PFAS: variants seen among roughly 807,000 people sequenced by gnomAD.
PFAS encodes phosphoribosylformylglycinamidine synthase.
A neutral mutation model predicts 140.6 loss-of-function variants in PFAS; 97 were observed. That is an observed-to-expected ratio of 0.69 (90% confidence interval 0.59 to 0.82). The LOEUF is 0.82. Among genes scored for constraint, PFAS ranks in the 40% least tolerant of loss-of-function variants. The pLI, the probability that PFAS is intolerant of heterozygous loss-of-function variation, is 0.00. For missense variants in PFAS, 1,656 were observed against 1,780.2 expected, an observed-to-expected ratio of 0.93 and a Z score of 1.26; for synonymous variants, 679 against 718.8, an observed-to-expected ratio of 0.94 and a Z score of 0.88.
At chr17:8,268,012 ATAT>A (rs1405083179) in intron 26 of PFAS, among the ~76,000 whole-genome samples, 30 of 137,344 alleles carry the variant, frequency 2.2e-4, no homozygotes, top group Non-Finnish European at 3.2e-4. Context: ...TTATTTATAT[ATAT>A]TATTTATATA....
In PFAS at chr17:8,267,565, C is replaced by T; in HGVS notation, c.3282C>T (p.Thr1094=). 6.2e-7 allele frequency: 1 copy of T among 1,611,474 alleles called. No individual in the cohort carries two copies. Among genetic ancestry groups the T allele is most frequent in the South Asian group, 1.1e-5 (1 of 91,032 alleles). ...HLAGFEVWDV[T]MQDLCSGAIG... ...CACCTTCGCAGGTATGGGACGTGAC[C>T]ATGCAGGACCTCTGCTCTGGGGCAA... The change falls in exon 26 of 28, where the codon ACC becomes ACT. Residue 1094 remains threonine, a synonymous_variant. Coordinates refer to ENST00000314666, the MANE Select transcript of PFAS (RefSeq NM_012393.3). The surrounding 1 kb of genome is among the most constrained non-coding windows in gnomAD (Gnocchi z 4.9).
chr17:8,259,309 C>T (rs2151584449), intron 11 of PFAS, among the ~76,000 whole-genome samples: 1 of 151,790 alleles, frequency 6.6e-6, no homozygotes, highest in African/African-American at 2.4e-5. Context: ...GTTACTTTGT[C>T]ACCCAGGCTG....
At position 8,266,787 on chromosome 17, in the gene PFAS, C is replaced by A; in HGVS notation, c.2856C>A (p.Leu952=). 1 of 1,612,058 alleles carries A rather than the reference C, an allele frequency of 6.2e-7. No homozygotes were observed. ...TGCTGTTCGCTGAGGAGCCAGGCCTCGTGCTGGAGGTGCAGGAGCCAGACC... is the reference window on the plus strand; with the variant it reads ...TGCTGTTCGCTGAGGAGCCAGGCCTAGTGCTGGAGGTGCAGGAGCCAGACC... ...LSVLFAEEPG[L]VLEVQEPDLA... is the part of the protein sequence containing the mutation. Residue 952 remains leucine (L), a synonymous_variant, in exon 23 of 28, where the codon CTC becomes CTA. Coordinates refer to ENST00000314666, the MANE Select transcript of PFAS (RefSeq NM_012393.3). The surrounding 1 kb of genome is among the most constrained non-coding windows in gnomAD (Gnocchi z 5.0).
In PFAS at chr17:8,266,865, G is replaced by A. The variant is rs940255795; in HGVS notation, c.2934G>A (p.Leu978=). Residue 978 remains leucine, a synonymous_variant, in exon 23 of 28, where the codon CTG becomes CTA. Coordinates refer to ENST00000314666, the MANE Select transcript of PFAS (RefSeq NM_012393.3). This position sits in a 1 kb window ranked among gnomAD's most constrained non-coding sequence, Gnocchi z 5.0. ...ATGCTGGCCTCCATTGCCTGGAGCT[G>A]GGCCACACAGGCGAGGCCGGGCCCC... The part of the protein sequence containing the change: ...YRDAGLHCLE[L]GHTGEAGPHA... The A allele has an allele frequency of 6.2e-7, 1 of 1,607,934 alleles. No homozygotes were observed.
intron 11 of PFAS, among the ~76,000 whole-genome samples, chr17:8,260,685 C>G (rs145956592): frequency 6.6e-6 from 1 of 152,196 alleles, no homozygotes. Flanking sequence ...AGCGTAATGG[C>G]GCTTTCTCGG....
Position 8,263,169 on chromosome 17 carries a change from A to T in PFAS, c.1471A>T (p.Met491Leu). Residue 491 changes from methionine to leucine, a missense_variant, in exon 13 of 28, where the codon ATG (methionine) becomes TTG (leucine). Physicochemically the swap from Met to Leu is conservative, Grantham distance 15. Transcript: ENST00000314666. ...FGAVQRGDPE[M>L]EQKMNRVIRA... ...GGCTGTGCAGCGAGGAGACCCGGAG[A>T]TGGAACAGAAGATGAACCGTGTGAT... is the stretch of plus-strand genomic sequence containing the variant. 6.2e-7 allele frequency: 1 copy of T among 1,613,938 alleles called. No individual in the cohort carries two copies. The highest frequency in any genetic ancestry group is 8.5e-7 in the Non-Finnish European group (1 of 1,179,852).
rs772045682 is a variant in PFAS at position 8,267,557 on chromosome 17, G to T, written c.3274G>T (p.Asp1092Tyr). 1.9e-6 allele frequency: 3 copies of T among 1,610,006 alleles called. No homozygotes were observed. In the Admixed American group the frequency reaches 5.0e-5, roughly 27 times the overall value. ...AFHLAGFEVW[D>Y]VTMQDLCSGA... ...CCCCTCCCCACCTTCGCAGGTATGG[G>T]ACGTGACCATGCAGGACCTCTGCTC... Residue 1092 changes from aspartate to tyrosine, a missense_variant, in exon 26 of 28, where the codon GAC becomes TAC. Asp to Tyr is a radical substitution (Grantham distance 160). Coordinates refer to ENST00000314666, the MANE Select transcript of PFAS (RefSeq NM_012393.3). This position sits in a 1 kb window ranked among gnomAD's most constrained non-coding sequence, Gnocchi z 4.9.
chr17:8,250,491 G>A (rs935996504), intron 1 of PFAS, among the ~76,000 whole-genome samples: 5 of 152,152 alleles, frequency 3.3e-5, no homozygotes, highest in Non-Finnish European at 5.9e-5. Context: ...AGAGAATTAA[G>A]GATGACTTCT....
Position 8,267,744 on chromosome 17 carries a change from G to A in PFAS, c.3382+79G>A, listed in dbSNP as rs985340366. The A allele has an allele frequency of 2.2e-5, 17 of 781,862 alleles. No individual in the cohort carries two copies. Among genetic ancestry groups the A allele is most frequent in the South Asian group, 1.6e-4 (9 of 57,620 alleles). 48.4% of individuals were successfully genotyped at this position (781,862 alleles called of 1,614,324 possible). On this transcript the variant is annotated intron_variant, in intron 26 of 27. Transcript: ENST00000314666. The surrounding 1 kb of genome is among the most constrained non-coding windows in gnomAD (Gnocchi z 4.9). ...CTTTAGCCCCATCTTCCTGGGCTGG[G>A]GATTGGCCTCTCACTCCACCGAGCT... is the stretch of plus-strand genomic sequence containing the variant.
At chr17:8,256,986 C>G (rs745463091) in intron 9 of PFAS, 23 bp downstream of exon 9, 1 of 1,613,450 alleles carries the variant, frequency 6.2e-7, no homozygotes, top group Admixed American at 1.7e-5. Flanking sequence ...TCCTCTCTAT[C>G]CACCTTCCCT....
upstream of PFAS, among the ~76,000 whole-genome samples, chr17:8,248,814 C>T (rs1166999037): frequency 6.6e-6 from 1 of 152,204 alleles, no homozygotes; most frequent in Non-Finnish European, 1.5e-5. Context: ...CCGCCTCGGG[C>T]TCCCAAAGTG....
chr17:8,267,302 C>T lies in PFAS; in HGVS notation c.3175+67C>T, dbSNP rs1989857781. 5 of 1,588,110 alleles carry T rather than the reference C, an allele frequency of 3.1e-6. No individual in the cohort carries two copies. The highest frequency in any genetic ancestry group is 1.7e-4 in the Middle Eastern group (1 of 6,014). The stretch of plus-strand genomic sequence containing the variant: ...GAGCCTGGATGCCTGGGCCTGCCCT[C>T]AGAAAGGTGTCTGGGGAGTTGGGGT... On this transcript the variant is annotated intron_variant, in intron 24 of 27. Transcript: ENST00000314666. This position sits in a 1 kb window ranked among gnomAD's most constrained non-coding sequence, Gnocchi z 4.9.
chr17:8,268,493 G>C, intron 26 of PFAS, 40 bp from the exon 27 acceptor site: 1 of 1,474,578 alleles, frequency 6.8e-7, no homozygotes, highest in African/African-American at 1.4e-5. Flanking sequence ...CTTTTTTGAG[G>C]TCCTCCATGT....
At position 8,255,639 on chromosome 17, in the gene PFAS, C is replaced by T. The variant is rs776422540; in HGVS notation, c.522C>T (p.Ile174=). 15 of 1,582,800 alleles carry T rather than the reference C, an allele frequency of 9.5e-6. No homozygotes were observed. The Admixed American group carries it at 1.9e-4, about 20-fold the overall frequency. Residue 174 remains isoleucine (I), a synonymous_variant, in exon 5 of 28, where the codon ATC becomes ATT. Coordinates refer to ENST00000314666, the MANE Select transcript of PFAS (RefSeq NM_012393.3). Reference sequence around the variant, plus strand: ...TGCCGGAACCCCTCAATGGCCCTATCAATATACTGGGTGAGGGCCGGCTTG... The same window carrying T: ...TGCCGGAACCCCTCAATGGCCCTATTAATATACTGGGTGAGGGCCGGCTTG... ...ESMPEPLNGP[I]NILGEGRLAL...
At chr17:8,250,412 A>T (rs73247013) in intron 1 of PFAS, among the ~76,000 whole-genome samples, 2,894 of 152,296 alleles carry the variant, frequency 0.019, 99 homozygotes, top group African/African-American at 0.066. Flanking sequence ...AGAGATGAAG[A>T]GATGAGAGAT....
At position 8,249,322 on chromosome 17, in the gene PFAS, C is replaced by G. The variant is rs958596041; in HGVS notation, c.-97C>G. On this transcript the variant is annotated 5_prime_UTR_variant, in exon 1 of 28. Transcript: ENST00000314666. The stretch of plus-strand genomic sequence containing the variant: ...GCGACGATTCGAGGTGCTCTGTGGC[C>G]GCGAGTGCATCTTCCACGTGAGTAT... 6.6e-6 allele frequency: 1 copy of G among 152,188 alleles called. No homozygotes were observed. The highest frequency in any genetic ancestry group is 1.5e-5 in the Non-Finnish European group (1 of 68,040). 9.4% of individuals were successfully genotyped at this position (152,188 alleles called of 1,614,324 possible).
chr17:8,250,291 A>G (rs768318518), intron 1 of PFAS, among the ~76,000 whole-genome samples: 2 of 152,202 alleles, frequency 1.3e-5, no homozygotes, highest in Non-Finnish European at 2.9e-5. Context: ...GCCATAATCC[A>G]CTTTATGCTG....
In PFAS at chr17:8,268,544, G is replaced by A. The variant is rs754146339; in HGVS notation, c.3394G>A (p.Ala1132Thr). 6.2e-7 allele frequency: 1 copy of A among 1,611,612 alleles called. No individual in the cohort carries two copies. Among genetic ancestry groups the A allele is most frequent in the South Asian group, 1.1e-5 (1 of 90,972 alleles). The change falls in exon 27 of 28, where the codon GCT (alanine) becomes ACT (threonine). Residue 1132 changes from alanine to threonine, a missense_variant. Transcript: ENST00000314666. ...VLGSAKGWAA[A>T]VTFHPRAGAE... ...CTATTCCCTGCTAGGGTGGGCAGCTGCTGTGACCTTTCATCCCAGGGCTGG... is the reference window on the plus strand; with the variant it reads ...CTATTCCCTGCTAGGGTGGGCAGCTACTGTGACCTTTCATCCCAGGGCTGG...
chr17:8,255,020 T>C lies in PFAS; in HGVS notation c.279-7T>C, dbSNP rs755943046. 6.2e-7 allele frequency: 1 copy of C among 1,608,964 alleles called. No homozygotes were observed. The highest frequency in any genetic ancestry group is 1.7e-5 in the Admixed American group (1 of 59,996). The stretch of plus-strand genomic sequence containing the variant: ...CTCCAGTCCTAACCATCAGGCCCAT[T>C]GTTCAGGCTGAACTTCTCCACCCCA... On this transcript the variant is annotated splice_polypyrimidine_tract_variant and splice_region_variant and intron_variant, in intron 3 of 27. Coordinates refer to ENST00000314666, the MANE Select transcript of PFAS (RefSeq NM_012393.3).
Sources: allele counts gnomAD v4.1 joint callset (sites outside exome capture counted in the v4.1 genomes callset), GRCh38; gene constraint gnomAD v4.1.1; non-coding constraint Gnocchi (gnomAD v3.1); transcripts MANE v1.5; gene names NCBI Gene and HGNC (gene_info 2026-07-23, HGNC 2026-07-21).